The following LYRM1 variants were observed in gnomAD, a reference collection of about 807,000 sequenced individuals.
The protein encoded by LYRM1 is LYR motif containing 1.
LYRM1 carries 14 observed loss-of-function variants against 14.9 expected under a neutral mutation model. The observed-to-expected ratio is 0.94, with a 90% CI of 0.62 to 1.47. LYRM1 has a LOEUF of 1.47. LYRM1 is among the 40% of genes most tolerant of loss of function. The pLI is 0.00. For synonymous variants in LYRM1, 43 were observed against 56.2 expected, an observed-to-expected ratio of 0.77 and a Z score of 1.05; for missense variants, 153 against 149.9, an observed-to-expected ratio of 1.02 and a Z score of -0.11.
intron 3 of LYRM1, among the ~76,000 whole-genome samples, chr16:20,923,747 C>T (rs945365501): frequency 1.3e-5 from 2 of 152,162 alleles, no homozygotes; most frequent in African/African-American, 4.8e-5. Flanking sequence ...GGGTTCAAAT[C>T]CTGGCTTCCC....
chr16:20,917,016 G>A (rs1238800186), intron 2 of LYRM1, among the ~76,000 whole-genome samples: 5 of 148,306 alleles, frequency 3.4e-5, no homozygotes, highest in Admixed American at 6.7e-5. Flanking sequence ...CCAGGAGTTC[G>A]AGACAAACCT....
At chr16:20,922,819 T>C (rs2083265728) in intron 3 of LYRM1, among the ~76,000 whole-genome samples, 1 of 152,054 alleles carries the variant, frequency 6.6e-6, no homozygotes, top group South Asian at 2.1e-4. Context: ...AATTGGTGCA[T>C]GTGATTATAG....
At chr16:20,904,845 G>C (rs919058961) in intron 1 of LYRM1, among the ~76,000 whole-genome samples, 9 of 152,018 alleles carry the variant, frequency 5.9e-5, no homozygotes, top group Non-Finnish European at 7.4e-5. Flanking sequence ...ACAGATCTAA[G>C]AGAAAAGTGC....
intron 1 of LYRM1, among the ~76,000 whole-genome samples, chr16:20,910,339 A>G (rs2082529464): frequency 6.6e-6 from 1 of 152,230 alleles, no homozygotes; most frequent in Admixed American, 6.5e-5. Flanking sequence ...TCTCTCAGGA[A>G]ATCTTTGAAA....
At chr16:20,911,723 TA>T (rs2082602349) in intron 1 of LYRM1, among the ~76,000 whole-genome samples, 1 of 152,138 alleles carries the variant, frequency 6.6e-6, no homozygotes, top group Non-Finnish European at 1.5e-5. Flanking sequence ...TATAGAAATG[TA>T]AATAGTTATG....
rs1183655032 is a variant in LYRM1 at position 20,915,726 on chromosome 16, C to T, written c.159+12C>T. On this transcript the variant is annotated intron_variant, in intron 2 of 3. Transcript: ENST00000567954. ...GGAAAAACAAAAATGTAAGTAGGCC[C>T]CACTTGGAGATTGTGCAGAGGAGAG... The T allele has an allele frequency of 3.1e-6, 5 of 1,612,636 alleles. No homozygotes were observed. Among genetic ancestry groups the T allele is most frequent in the Non-Finnish European group, 4.2e-6 (5 of 1,179,110 alleles).
intron 3 of LYRM1, chr16:20,920,415 T>A (rs1261019320): frequency 3.7e-6 from 2 of 537,820 alleles, no homozygotes; most frequent in East Asian, 3.1e-5. Context: ...CGTATCCTGC[T>A]TACATAGCTT....
chr16:20,915,830 T>C, intron 2 of LYRM1, 116 bp downstream of exon 2: 1 of 1,166,336 alleles, frequency 8.6e-7, no homozygotes, highest in Non-Finnish European at 1.2e-6. Context: ...GTGGCAGAAC[T>C]TGGGGCAGGA....
At chr16:20,910,749 G>C (rs2152538027) in intron 1 of LYRM1, among the ~76,000 whole-genome samples, 1 of 152,176 alleles carries the variant, frequency 6.6e-6, no homozygotes, top group East Asian at 1.9e-4. Flanking sequence ...ACTCCAGCCT[G>C]GGTGACAGAG....
intron 1 of LYRM1, among the ~76,000 whole-genome samples, chr16:20,913,804 G>T (rs1403273384): frequency 6.6e-6 from 1 of 151,662 alleles, no homozygotes; most frequent in Admixed American, 6.6e-5. Flanking sequence ...TCATCAGAAA[G>T]ATTTTTTTTT....
At chr16:20,907,250 C>T (rs186095904) in intron 1 of LYRM1, among the ~76,000 whole-genome samples, 131 of 152,328 alleles carry the variant, frequency 8.6e-4, no homozygotes, top group Non-Finnish European at 1.7e-3. Context: ...GTGTCTTTTG[C>T]GCTTAAGACC....
At chr16:20,913,380 T>C (rs1161993994) in intron 1 of LYRM1, among the ~76,000 whole-genome samples, 1 of 151,608 alleles carries the variant, frequency 6.6e-6, no homozygotes, top group African/African-American at 2.4e-5. Flanking sequence ...TGGCGTGATC[T>C]TGGCACACTG....
At chr16:20,920,901 A>G (rs1180094532) in intron 3 of LYRM1, among the ~76,000 whole-genome samples, 1 of 149,322 alleles carries the variant, frequency 6.7e-6, no homozygotes, top group Admixed American at 6.7e-5. Context: ...AAATAAATAA[A>G]ACTTAAATTT....
rs747553719 is a variant in LYRM1, at chr16:20,901,878, T to C, written c.-1+989T>C. Among the ~76,000 whole-genome samples, 2 of 152,074 alleles carry C rather than the reference T, an allele frequency of 1.3e-5. No homozygotes were observed. Among genetic ancestry groups the C allele is most frequent in the Admixed American group, 6.5e-5 (1 of 15,272 alleles). On this transcript the variant is annotated intron_variant, in intron 1 of 3. Coordinates refer to ENST00000567954, the MANE Select transcript of LYRM1 (RefSeq NM_001128302.3). This position sits in a 1 kb window ranked among gnomAD's most constrained non-coding sequence, Gnocchi z 4.6. ...CGGTGGCTCACGCCTATAAACCCAG[T>C]ACTTTGGGAGGCCTAGGCGGGCGGA...
intron 2 of LYRM1, among the ~76,000 whole-genome samples, chr16:20,918,412 T>C (rs562913357): frequency 1.3e-5 from 2 of 152,346 alleles, no homozygotes; most frequent in African/African-American, 2.4e-5. Flanking sequence ...AATTTTAAGA[T>C]ACGTACTTGC....
intron 3 of LYRM1, among the ~76,000 whole-genome samples, chr16:20,920,974 AAAAT>A (rs1376432659): frequency 1.3e-5 from 2 of 150,904 alleles, no homozygotes; most frequent in African/African-American, 2.4e-5. Flanking sequence ...GTTAAGAAAC[AAAAT>A]AAATTTCAAA....
chr16:20,909,826 A>G (rs749455828), intron 1 of LYRM1, among the ~76,000 whole-genome samples: 32 of 152,330 alleles, frequency 2.1e-4, no homozygotes, highest in Non-Finnish European at 4.0e-4. Context: ...TTATTCAGCA[A>G]ACATTTATTG....
At chr16:20,919,857 C>T (rs538904662) in intron 2 of LYRM1, among the ~76,000 whole-genome samples, 3 of 152,188 alleles carry the variant, frequency 2.0e-5, no homozygotes, top group East Asian at 1.9e-4. Flanking sequence ...TTGTTGTCTC[C>T]GAGATGAGGA....
chr16:20,921,801 A>G (rs1206999262), intron 3 of LYRM1: 1 of 151,676 alleles, frequency 6.6e-6, no homozygotes, highest in East Asian at 1.9e-4. Flanking sequence ...CAACTCTTTT[A>G]GCTACAAAAA....
Sources: gnomAD v4.1 joint callset for allele counts (sites outside exome capture counted in the v4.1 genomes callset) on GRCh38, gnomAD v4.1.1 for gene constraint, Gnocchi (gnomAD v3.1) non-coding constraint, MANE v1.5 for transcripts, NCBI Gene and HGNC (gene_info 2026-07-23, HGNC 2026-07-21) for gene names.